The following CNTNAP2 variants were observed in gnomAD, a reference collection of about 807,000 sequenced individuals.
CNTNAP2 encodes the protein contactin-associated protein-like 2.
In CNTNAP2, 98 loss-of-function variants were observed where a neutral mutation model predicts 155.2. That is an observed-to-expected ratio of 0.63 (90% CI 0.54 to 0.75). The LOEUF (loss-of-function observed/expected upper bound fraction) is 0.75. Ranked by LOEUF, CNTNAP2 falls within the 30% of genes least tolerant of loss-of-function variation. CNTNAP2 has a pLI of 0.00. For missense variants in CNTNAP2, 1,727 were observed against 1,688.1 expected (o/e 1.02, Z -0.40); for synonymous variants, 651 against 631.2 (o/e 1.03, Z -0.47).
At chr7:147,905,914 CAAAA>C (rs796945366) in intron 14 of CNTNAP2, among the ~76,000 whole-genome samples, 1 of 146,284 alleles carries the variant, frequency 6.8e-6, no homozygotes, top group Non-Finnish European at 1.5e-5. Flanking sequence ...AACAAACAAA[CAAAA>C]AAAAACTGAT....
At chr7:147,138,113 C>A (rs939384589) in intron 8 of CNTNAP2, among the ~76,000 whole-genome samples, 1 of 151,674 alleles carries the variant, frequency 6.6e-6, no homozygotes. Flanking sequence ...TTTTGATGGG[C>A]TTGTAGATAT....
At chr7:147,476,307 G>C (rs1388577557) in intron 10 of CNTNAP2, among the ~76,000 whole-genome samples, 1 of 151,740 alleles carries the variant, frequency 6.6e-6, no homozygotes, top group South Asian at 2.1e-4. Context: ...GGGTTTCACC[G>C]TGTTAACCAG....
chr7:146,989,010 T>C (rs1006113059), intron 3 of CNTNAP2, among the ~76,000 whole-genome samples: 1 of 152,190 alleles, frequency 6.6e-6, no homozygotes, highest in Non-Finnish European at 1.5e-5. Context: ...TCCATATTTC[T>C]TTCTTACACA....
chr7:146,130,826 G>A (rs556986624), intron 1 of CNTNAP2, among the ~76,000 whole-genome samples: 19 of 152,172 alleles, frequency 1.2e-4, no homozygotes, highest in Admixed American at 2.6e-4. Flanking sequence ...GTCTTACATG[G>A]TGGCAGATGA....
At chr7:147,635,732 C>T (rs1584870710) in intron 12 of CNTNAP2, among the ~76,000 whole-genome samples, 1 of 152,056 alleles carries the variant, frequency 6.6e-6, no homozygotes, top group South Asian at 2.1e-4. Context: ...AAATGGGTGA[C>T]CATTTGGTTT....
At chr7:148,134,648 A>C (rs1282546579) in intron 16 of CNTNAP2, among the ~76,000 whole-genome samples, 2 of 152,210 alleles carry the variant, frequency 1.3e-5, no homozygotes, top group Non-Finnish European at 2.9e-5. Flanking sequence ...TATACAATAA[A>C]ATAATATCTT....
At chr7:146,242,199 C>T (rs1799573109) in intron 1 of CNTNAP2, among the ~76,000 whole-genome samples, 1 of 152,014 alleles carries the variant, frequency 6.6e-6, no homozygotes, top group Admixed American at 6.6e-5. Flanking sequence ...GACAATCTAT[C>T]CAAATTGATT....
intron 10 of CNTNAP2, among the ~76,000 whole-genome samples, chr7:147,471,915 C>A (rs1436493531): frequency 5.9e-5 from 9 of 152,054 alleles, no homozygotes; most frequent in African/African-American, 2.2e-4. Context: ...AGAGGAGAAA[C>A]GTTTGGGAAA....
At chr7:147,245,135 A>G (rs1255621560) in intron 8 of CNTNAP2, among the ~76,000 whole-genome samples, 1 of 152,190 alleles carries the variant, frequency 6.6e-6, no homozygotes, top group East Asian at 1.9e-4. Context: ...GCTTTTGTCT[A>G]AACTCAGAAA....
At chr7:147,744,253 G>T (rs559954266) in intron 13 of CNTNAP2, among the ~76,000 whole-genome samples, 1 of 152,128 alleles carries the variant, frequency 6.6e-6, no homozygotes, top group African/African-American at 2.4e-5. Flanking sequence ...CTTTTTACAA[G>T]GTATATGAGC....
chr7:148,363,133 C>T (rs557647064), intron 21 of CNTNAP2, among the ~76,000 whole-genome samples: 2 of 152,288 alleles, frequency 1.3e-5, no homozygotes, highest in South Asian at 4.1e-4. Flanking sequence ...AGGCATGTGC[C>T]ACCACACCTG....
intron 2 of CNTNAP2, among the ~76,000 whole-genome samples, chr7:146,778,946 C>T (rs1025346488): frequency 6.6e-5 from 10 of 152,214 alleles, no homozygotes; most frequent in African/African-American, 2.4e-4. Flanking sequence ...AATCCCTCTG[C>T]TTTGTTACCT....
intron 13 of CNTNAP2, chr7:147,672,949 A>G (rs1487026082): frequency 2.0e-5 from 3 of 152,132 alleles, no homozygotes; most frequent in African/African-American, 7.2e-5. Context: ...AAAGTATTTC[A>G]TTTCAGATGT....
chr7:148,099,456 T>C (rs968986344), intron 15 of CNTNAP2, among the ~76,000 whole-genome samples: 1 of 146,340 alleles, frequency 6.8e-6, no homozygotes, highest in African/African-American at 2.6e-5. Flanking sequence ...TGTGTGTGTG[T>C]GTGTTGGATA....
chr7:146,782,255 T>C (rs1283988954), intron 2 of CNTNAP2: 1 of 152,174 alleles, frequency 6.6e-6, no homozygotes, highest in Non-Finnish European at 1.5e-5. Flanking sequence ...AAGTGATACC[T>C]CTCAGGACGA....
In CNTNAP2 at chr7:147,111,223, T is replaced by C. The variant is rs527410705; in HGVS notation, c.754+2873T>C. Among the ~76,000 whole-genome samples, 4 of 152,304 alleles carry C rather than the reference T, an allele frequency of 2.6e-5. No individual in the cohort carries two copies. In the East Asian group the frequency reaches 5.8e-4, roughly 22 times the overall value. Reference sequence around the variant, plus strand: ...CTTTGCCCACATTTTTATGAGGTTGTTTTTGTCTTGTAAATTTAAGTTCCT... The same window carrying C: ...CTTTGCCCACATTTTTATGAGGTTGCTTTTGTCTTGTAAATTTAAGTTCCT... On this transcript the variant is annotated intron_variant, in intron 5 of 23. Coordinates refer to ENST00000361727, the MANE Select transcript of CNTNAP2 (RefSeq NM_014141.6).
intron 1 of CNTNAP2, among the ~76,000 whole-genome samples, chr7:146,706,697 A>G (rs2172723): frequency 0.15 from 22,124 of 152,068 alleles, 3,433 homozygotes; most frequent in African/African-American, 0.39. Flanking sequence ...GTTCTCACTT[A>G]TAAGTGGGAG....
chr7:148,131,497 G>T (rs1456962532), intron 16 of CNTNAP2, among the ~76,000 whole-genome samples: 1 of 152,112 alleles, frequency 6.6e-6, no homozygotes, highest in Non-Finnish European at 1.5e-5. Flanking sequence ...ACTAGAATTG[G>T]CCTGCCTATG....
At chr7:147,298,523 C>G (rs528942578) in intron 8 of CNTNAP2, among the ~76,000 whole-genome samples, 38 of 152,182 alleles carry the variant, frequency 2.5e-4, no homozygotes, top group African/African-American at 8.4e-4. Flanking sequence ...TGTAATAATA[C>G]TTACTATGAG....
Sources: gnomAD v4.1 joint callset for allele counts (sites outside exome capture counted in the v4.1 genomes callset) on GRCh38, gnomAD v4.1.1 for gene constraint, MANE v1.5 for transcripts, NCBI Gene and HGNC (gene_info 2026-07-23, HGNC 2026-07-21) for gene names.